The following PCDH11X variants were observed in gnomAD, a reference collection of about 807,000 sequenced individuals.
The protein encoded by PCDH11X is protocadherin-11 X-linked.
PCDH11X carries 18 observed loss-of-function variants against 53.3 expected under a neutral mutation model. The ratio of observed to expected loss-of-function variants is 0.34; its 90% CI spans 0.23 to 0.50. PCDH11X has a LOEUF of 0.50. Ranked by LOEUF, PCDH11X falls within the 20% of genes least tolerant of loss-of-function variation. The pLI is 0.98. For synonymous variants in PCDH11X, 279 were observed against 393.3 expected (o/e 0.71, Z 3.44); for missense variants, 570 against 1,032.4 (o/e 0.55, Z 6.14).
At chrX:92,339,568 G>A (rs1254908433) in intron 8 of PCDH11X, among the ~76,000 whole-genome samples, 1 of 111,187 alleles carries the variant, frequency 9.0e-6, no homozygotes, top group Non-Finnish European at 1.9e-5. Context: ...ACGGTGGAAG[G>A]CCTAAGGGGA....
chrX:92,049,728 A>T (rs1241129515), intron 6 of PCDH11X, among the ~76,000 whole-genome samples: 1 of 111,519 alleles, frequency 9.0e-6, no homozygotes, highest in Non-Finnish European at 1.9e-5. Context: ...TTATTATTAC[A>T]AAATTAAGTT....
intron 5 of PCDH11X, among the ~76,000 whole-genome samples, chrX:91,863,454 C>A: frequency 8.9e-6 from 1 of 111,790 alleles, no homozygotes; most frequent in Non-Finnish European, 1.9e-5. Context: ...CATGGAATAT[C>A]TTTTTCTCTT....
chrX:92,022,172 A>G lies in PCDH11X; in HGVS notation c.3033+142899A>G, dbSNP rs1385165369. ...CAATATCAAATTCACCCATAACAAT[A>G]TTAACCTTAAAGGTAAATGGGCTAA... On this transcript the variant is annotated intron_variant, in intron 6 of 10. Transcript: ENST00000682573. Among the ~76,000 whole-genome samples, 15 of 108,459 alleles carry G rather than the reference A, an allele frequency of 1.4e-4. 1 individual carries two copies. The highest frequency in any genetic ancestry group is 1.2e-3 in the Admixed American group (12 of 9,802). The allele number at this position is 108,459 out of a possible 115,157, so 94.2% of individuals were successfully genotyped here.
At chrX:91,803,166 A>G (rs768993904) in intron 1 of PCDH11X, among the ~76,000 whole-genome samples, 3 of 111,599 alleles carry the variant, frequency 2.7e-5, no homozygotes, top group Admixed American at 9.5e-5. Context: ...CATTTTTCTA[A>G]TAAGATAGGC....
At chrX:92,315,123 C>T (rs2069046305) in intron 8 of PCDH11X, among the ~76,000 whole-genome samples, 1 of 111,645 alleles carries the variant, frequency 9.0e-6, no homozygotes, top group African/African-American at 3.3e-5. Context: ...CCCAGAGGGC[C>T]CTAAGCAAGT....
chrX:92,111,500 AT>A (rs66697328), intron 6 of PCDH11X, among the ~76,000 whole-genome samples: 31,852 of 107,116 alleles, frequency 0.3, 5,431 homozygotes, highest in African/African-American at 0.62. Flanking sequence ...TTAATATTTC[AT>A]TTTTTTTTAA....
At chrX:92,328,095 TC>T (rs1272078836) in intron 8 of PCDH11X, among the ~76,000 whole-genome samples, 1 of 110,861 alleles carries the variant, frequency 9.0e-6, no homozygotes, top group Non-Finnish European at 1.9e-5. Flanking sequence ...TCTCAACATA[TC>T]ATACATAAAT....
chrX:91,903,656 C>CGTGTGTGTGTGTGT (rs61017416), intron 6 of PCDH11X, among the ~76,000 whole-genome samples: 19 of 93,954 alleles, frequency 2.0e-4, no homozygotes, highest in African/African-American at 6.6e-4. Context: ...CCTCTATGTG[C>CGTGTGTGTGTGTGT]GTGTGTGTGT....
intron 7 of PCDH11X, among the ~76,000 whole-genome samples, chrX:92,235,632 A>T (rs908665907): frequency 9.0e-6 from 1 of 111,378 alleles, no homozygotes; most frequent in East Asian, 2.8e-4. Context: ...ACAGAGTAAG[A>T]CTTCACCATT....
intron 10 of PCDH11X, among the ~76,000 whole-genome samples, chrX:92,507,784 A>G (rs2074091087): frequency 9.4e-6 from 1 of 106,292 alleles, no homozygotes; most frequent in Admixed American, 1.0e-4. Flanking sequence ...TAAAATCCAA[A>G]AAAGAAACAA....
At chrX:91,997,083 G>A (rs1052526656) in intron 6 of PCDH11X, among the ~76,000 whole-genome samples, 3 of 108,192 alleles carry the variant, frequency 2.8e-5, no homozygotes, top group Non-Finnish European at 3.8e-5. Flanking sequence ...TTTGTGTCTT[G>A]CAGCTTTATT....
chrX:92,167,112 T>TAA (rs2065748171), intron 6 of PCDH11X, among the ~76,000 whole-genome samples: 1 of 110,045 alleles, frequency 9.1e-6, no homozygotes, highest in Non-Finnish European at 1.9e-5. Context: ...ATTCTATAAT[T>TAA]TTACTTGCTA....
chrX:92,212,757 T>G (rs1409286716), intron 7 of PCDH11X, among the ~76,000 whole-genome samples: 1 of 112,520 alleles, frequency 8.9e-6, no homozygotes, highest in Non-Finnish European at 1.9e-5. Context: ...CCTTTACTTG[T>G]CAGCTACAGT....
At chrX:92,101,659 G>A (rs191808733) in intron 6 of PCDH11X, among the ~76,000 whole-genome samples, 2 of 109,976 alleles carry the variant, frequency 1.8e-5, no homozygotes, top group Admixed American at 9.7e-5. Context: ...GGCCTTCTCA[G>A]ACCCTGTAGG....
intron 1 of PCDH11X, among the ~76,000 whole-genome samples, chrX:91,796,678 T>C (rs1184475105): frequency 5.4e-5 from 6 of 111,857 alleles, no homozygotes; most frequent in Admixed American, 2.9e-4. Flanking sequence ...ATGGTTAAAA[T>C]ACCAATGCCA....
At chrX:92,029,734 A>T (rs931443054) in intron 6 of PCDH11X, among the ~76,000 whole-genome samples, 2 of 111,440 alleles carry the variant, frequency 1.8e-5, no homozygotes, top group African/African-American at 3.3e-5. Flanking sequence ...GTAGTATAAA[A>T]TATTTCTAAA....
rs1258334020 is a variant in PCDH11X, at chrX:92,022,460, A to G, written c.3033+143187A>G. On this transcript the variant is annotated intron_variant, in intron 6 of 10. Transcript: ENST00000682573. ...GGCATTACATAATAGTAAAGGATGC[A>G]ATGCAACAAGAAGAGCTAACTATCC... Among the ~76,000 whole-genome samples, 6 of 109,187 alleles carry G rather than the reference A, an allele frequency of 5.5e-5. No individual in the cohort carries two copies. The East Asian group carries it at 1.2e-3, about 22-fold the overall frequency. 94.8% of individuals were successfully genotyped at this position (109,187 alleles called of 115,157 possible).
intron 10 of PCDH11X, among the ~76,000 whole-genome samples, chrX:92,575,566 G>A (rs188916980): frequency 1.8e-5 from 2 of 108,579 alleles, no homozygotes; most frequent in African/African-American, 3.3e-5. Flanking sequence ...TAAAGTGTGA[G>A]CTTATTATTC....
intron 8 of PCDH11X, among the ~76,000 whole-genome samples, chrX:92,302,706 A>G (rs2068748379): frequency 9.3e-6 from 1 of 107,048 alleles, no homozygotes. Flanking sequence ...TGTACTATCT[A>G]AGAATCTGAG....
Sources: gnomAD v4.1 joint callset for allele counts (sites outside exome capture counted in the v4.1 genomes callset) on GRCh38, gnomAD v4.1.1 for gene constraint, MANE v1.5 for transcripts, NCBI Gene and HGNC (gene_info 2026-07-23, HGNC 2026-07-21) for gene names.